SLC5A12: variants seen among roughly 807,000 people sequenced by gnomAD.
The protein encoded by SLC5A12 is solute carrier family 5 member 12.
SLC5A12 carries 46 observed loss-of-function variants against 72.7 expected under a neutral mutation model. The observed-to-expected ratio is 0.63, with a 90% CI of 0.50 to 0.81. The LOEUF (loss-of-function observed/expected upper bound fraction) is 0.81. SLC5A12 is among the 30% of genes least tolerant of loss of function. The probability of loss-of-function intolerance (pLI) is 0.00; values close to 1 mark genes in which losing one functional copy is unlikely to be tolerated. For synonymous variants in SLC5A12, 275 were observed against 264.4 expected (o/e 1.04, Z -0.39); for missense variants, 683 against 740.7 (o/e 0.92, Z 0.90).
intron 1 of SLC5A12, among the ~76,000 whole-genome samples, chr11:26,713,264 C>T (rs1855274644): frequency 6.6e-6 from 1 of 152,090 alleles, no homozygotes; most frequent in Admixed American, 6.6e-5. Flanking sequence ...CCAAACCTTC[C>T]ATTGTCGGAT....
intron 3 of SLC5A12, among the ~76,000 whole-genome samples, chr11:26,710,313 C>T (rs938890992): frequency 6.6e-6 from 1 of 152,152 alleles, no homozygotes; most frequent in Non-Finnish European, 1.5e-5. Flanking sequence ...GTGAATACTG[C>T]TGCAATAAAC....
rs1854073553 is a variant in SLC5A12, at chr11:26,669,187, T to TTTCTCTTTCTTTCTTTCTTTC, written c.*1914_*1915insGAAAGAAAGAAAGAAAGAGAA. The TTTCTCTTTCTTTCTTTCTTTC allele has an allele frequency of 7.5e-4, 83 of 110,980 alleles. No individual in the cohort carries two copies. Among genetic ancestry groups the TTTCTCTTTCTTTCTTTCTTTC allele is most frequent in the Middle Eastern group, 4.7e-3 (1 of 214 alleles). 6.9% of individuals were successfully genotyped at this position (110,980 alleles called of 1,614,324 possible). On this transcript the variant is annotated 3_prime_UTR_variant, in exon 15 of 15. Coordinates refer to ENST00000396005, the MANE Select transcript of SLC5A12 (RefSeq NM_178498.4). ...TGTCTTTTTCTTTCTTTCTTTCTTC[T>TTTCTCTTTCTTTCTTTCTTTC]TTTCTTTCTTTCTTTCTTTCTTTCT...
chr11:26,681,146 G>A lies in SLC5A12; in HGVS notation c.1384C>T (p.Pro462Ser). 3.1e-6 allele frequency: 5 copies of A among 1,611,758 alleles called. No homozygotes were observed. Among genetic ancestry groups the A allele is most frequent in the Non-Finnish European group, 4.2e-6 (5 of 1,178,984 alleles). The change falls in exon 12 of 15, where the codon CCA (proline) becomes TCA (serine). Residue 462 changes from proline (P) to serine (S), a missense_variant. Coordinates refer to ENST00000396005, the MANE Select transcript of SLC5A12 (RefSeq NM_178498.4). ...GGCAAAGGCCATGTCTTAGAGGCTG[G>A]TGCAGGGTAAATGAAGGCCCCAATG... ...VAIGAFIYPAPASKTWPLPLS... is the reference protein window; with the variant it reads ...VAIGAFIYPASASKTWPLPLS...
At chr11:26,698,586 G>C (rs369068358) in intron 6 of SLC5A12, 51 bp from the exon 7 acceptor site, 12 of 1,585,016 alleles carry the variant, frequency 7.6e-6, no homozygotes, top group African/African-American at 1.4e-5. Context: ...ATATCATACT[G>C]TGGTGAGGTC....
intron 4 of SLC5A12, among the ~76,000 whole-genome samples, chr11:26,708,506 C>T (rs985852875): frequency 6.6e-6 from 1 of 151,954 alleles, no homozygotes; most frequent in Non-Finnish European, 1.5e-5. Flanking sequence ...AGGTGATATG[C>T]ACATAACACC....
chr11:26,705,978 A>T (rs72884808), intron 4 of SLC5A12, among the ~76,000 whole-genome samples: 28,655 of 138,092 alleles, frequency 0.21, 3,234 homozygotes, highest in East Asian at 0.34. Context: ...ACACACACAC[A>T]CTTACCTTCT....
In SLC5A12 at chr11:26,678,754, A is replaced by G. The variant is rs1311522864; in HGVS notation, c.1537T>C (p.Leu513=). 6.2e-7 allele frequency: 1 copy of G among 1,613,308 alleles called. No homozygotes were observed. Among genetic ancestry groups the G allele is most frequent in the Non-Finnish European group, 8.5e-7 (1 of 1,179,628 alleles). The stretch of plus-strand genomic sequence containing the variant: ...ATTACTCCAGCAACAATGCATCCTA[A>G]GCAGCCCACTGCACTGTAGTAAAGG... ...SYLYYSAVGC[L]GCIVAGVIIS... Residue 513 remains leucine (L), a synonymous_variant, in exon 13 of 15, where the codon TTA becomes CTA. Coordinates refer to ENST00000396005, the MANE Select transcript of SLC5A12 (RefSeq NM_178498.4).
At chr11:26,677,953 A>T (rs529604019) in intron 13 of SLC5A12, among the ~76,000 whole-genome samples, 113 of 152,174 alleles carry the variant, frequency 7.4e-4, no homozygotes, top group Non-Finnish European at 1.3e-3. Flanking sequence ...ATTATCTCCC[A>T]CACTCTCACC....
At chr11:26,718,953 C>T (rs1855416027) in intron 1 of SLC5A12, among the ~76,000 whole-genome samples, 2 of 151,996 alleles carry the variant, frequency 1.3e-5, no homozygotes, top group South Asian at 4.1e-4. Context: ...ATTTTAAAAA[C>T]AATTTAGTAA....
chr11:26,698,692 A>ATT (rs375451461), intron 6 of SLC5A12, among the ~76,000 whole-genome samples, 157 bp from the exon 7 acceptor site: 1 of 148,758 alleles, frequency 6.7e-6, no homozygotes, highest in Non-Finnish European at 1.5e-5. Flanking sequence ...TACTTTTGCT[A>ATT]TTTTTTTTTT....
intron 1 of SLC5A12, among the ~76,000 whole-genome samples, chr11:26,720,947 A>C (rs1383158336): frequency 6.6e-6 from 1 of 152,204 alleles, no homozygotes; most frequent in Non-Finnish European, 1.5e-5. Context: ...TTCTCAGGTC[A>C]CTTTACTATT....
intron 14 of SLC5A12, among the ~76,000 whole-genome samples, chr11:26,672,291 C>T (rs1423894418): frequency 3.9e-5 from 6 of 151,912 alleles, no homozygotes; most frequent in Non-Finnish European, 7.4e-5. Context: ...AAATATTTGC[C>T]ATGATATGGG....
chr11:26,669,032 C>T lies in SLC5A12; in HGVS notation c.*2070G>A, dbSNP rs541965335. ...TGGAAGTTCACAATCCTGATGTATT[C>T]CAAATCATATTTACATATATATGTG... On this transcript the variant is annotated 3_prime_UTR_variant, in exon 15 of 15. Transcript: ENST00000396005. 6 of 149,086 alleles carry T rather than the reference C, an allele frequency of 4.0e-5. No individual in the cohort carries two copies. The highest frequency in any genetic ancestry group is 6.0e-5 in the Non-Finnish European group (4 of 66,984). The allele number at this position is 149,086 out of a possible 1,614,324, so 9.2% of individuals were successfully genotyped here.
chr11:26,696,668 C>A (rs1160025612), intron 8 of SLC5A12, among the ~76,000 whole-genome samples: 1 of 152,066 alleles, frequency 6.6e-6, no homozygotes, highest in Non-Finnish European at 1.5e-5. Context: ...TATACTTAAC[C>A]ATAGAAAAGG....
chr11:26,709,282 T>TTAAA, intron 4 of SLC5A12, 30 bp downstream of exon 4: 1 of 1,557,382 alleles, frequency 6.4e-7, no homozygotes, highest in Non-Finnish European at 8.8e-7. Context: ...GGAGGTAGTG[T>TTAAA]TAAATACTTC....
intron 14 of SLC5A12, among the ~76,000 whole-genome samples, chr11:26,672,920 A>G (rs1854176898): frequency 6.6e-6 from 1 of 152,116 alleles, no homozygotes; most frequent in Non-Finnish European, 1.5e-5. Context: ...GCTTGTGTCC[A>G]TGTTGCTCTG....
chr11:26,692,354 A>T (rs1434649052), intron 9 of SLC5A12, 135 bp downstream of exon 9: 7 of 644,456 alleles, frequency 1.1e-5, no homozygotes, highest in Non-Finnish European at 2.0e-5. Context: ...GTAAGAATCT[A>T]TGTGTGGGAT....
In SLC5A12 at chr11:26,704,001, G is replaced by T. The variant is rs1220930322; in HGVS notation, c.526-54C>A. The T allele has an allele frequency of 4.4e-6, 7 of 1,588,834 alleles. No individual in the cohort carries two copies. In the East Asian group the frequency reaches 1.6e-4, roughly 36 times the overall value. On this transcript the variant is annotated intron_variant, in intron 4 of 14. Coordinates refer to ENST00000396005, the MANE Select transcript of SLC5A12 (RefSeq NM_178498.4). Reference sequence around the variant, plus strand: ...GAAAACAAACCCTGTAACTGTACTGGCTCTGCAAAGCCTCTCTGCTAATGC... The same window carrying T: ...GAAAACAAACCCTGTAACTGTACTGTCTCTGCAAAGCCTCTCTGCTAATGC...
rs545359710 is a variant in SLC5A12 at position 26,683,623 on chromosome 11, G to A, written c.1308+134C>T. On this transcript the variant is annotated intron_variant, in intron 11 of 14. Transcript: ENST00000396005. ...TGAAGTCAGAGACAGGTAGACTCAA[G>A]CTCTGTTTAATTCTGCTGTGGATTC... 3 of 639,076 alleles carry A rather than the reference G, an allele frequency of 4.7e-6. No homozygotes were observed. In the South Asian group the frequency reaches 5.9e-5, roughly 13 times the overall value. The allele number at this position is 639,076 out of a possible 1,614,324, so 39.6% of individuals were successfully genotyped here.
Sources: allele counts gnomAD v4.1 joint callset (sites outside exome capture counted in the v4.1 genomes callset), GRCh38; gene constraint gnomAD v4.1.1; transcripts MANE v1.5; gene names NCBI Gene and HGNC (gene_info 2026-07-23, HGNC 2026-07-21).